CLASP1: variants seen among roughly 807,000 people sequenced by gnomAD.
CLASP1 encodes the protein cytoplasmic linker associated protein 1.
In CLASP1, 38 loss-of-function variants were observed where a neutral mutation model predicts 192.3. The observed-to-expected ratio is 0.20, with a 90% CI of 0.15 to 0.26. The LOEUF is 0.26. CLASP1 is among the 10% of genes least tolerant of loss of function. The probability of loss-of-function intolerance (pLI) is 1.00; values close to 1 mark genes in which losing one functional copy is unlikely to be tolerated. For missense variants in CLASP1, 1,433 were observed against 1,932.5 expected (o/e 0.74, Z 4.85); for synonymous variants, 691 against 712.8 (o/e 0.97, Z 0.49).
intron 2 of CLASP1, among the ~76,000 whole-genome samples, chr2:121,598,659 G>C (rs2063418964): frequency 6.6e-6 from 1 of 152,054 alleles, no homozygotes; most frequent in Non-Finnish European, 1.5e-5. Context: ...GTTACTTCCT[G>C]TATAAAAATT....
At chr2:121,598,330 C>T (rs1362230792) in intron 2 of CLASP1, among the ~76,000 whole-genome samples, 1 of 152,186 alleles carries the variant, frequency 6.6e-6, no homozygotes, top group Non-Finnish European at 1.5e-5. Context: ...TCAAACTGAT[C>T]CCAATATGAG....
At chr2:121,581,257 G>GT (rs1429061024) in intron 2 of CLASP1, among the ~76,000 whole-genome samples, 1 of 91,686 alleles carries the variant, frequency 1.1e-5, no homozygotes, top group African/African-American at 5.8e-5. Flanking sequence ...AAGGCCTTTT[G>GT]TTCTTTTTTT....
At chr2:121,344,426 G>C (rs926895891) in intron 39 of CLASP1, among the ~76,000 whole-genome samples, 3 of 151,978 alleles carry the variant, frequency 2.0e-5, no homozygotes, top group Non-Finnish European at 2.9e-5. Flanking sequence ...CCACCTCCCA[G>C]GTTCAAGCGA....
At chr2:121,405,083 T>G (rs1213314447) in intron 25 of CLASP1, among the ~76,000 whole-genome samples, 1 of 152,080 alleles carries the variant, frequency 6.6e-6, no homozygotes, top group African/African-American at 2.4e-5. Context: ...CCAAGGCAGG[T>G]GGATCACCTT....
chr2:121,343,979 G>A (rs2063111662), intron 39 of CLASP1, among the ~76,000 whole-genome samples: 1 of 152,118 alleles, frequency 6.6e-6, no homozygotes, highest in Non-Finnish European at 1.5e-5. Context: ...GCTGAAGCAG[G>A]ACAATCGTTT....
At chr2:121,453,202 G>A (rs908456743) in intron 14 of CLASP1, among the ~76,000 whole-genome samples, 2 of 152,136 alleles carry the variant, frequency 1.3e-5, no homozygotes, top group Non-Finnish European at 2.9e-5. Context: ...AGCTGAGGTG[G>A]GTGGATTGCT....
chr2:121,554,562 C>T (rs1255798415), intron 2 of CLASP1, among the ~76,000 whole-genome samples: 2 of 151,552 alleles, frequency 1.3e-5, no homozygotes, highest in African/African-American at 4.9e-5. Context: ...CCCAGGAGTT[C>T]GTGGCTGCAG....
At chr2:121,615,813 ATAAAT>A (rs1263739627) in intron 1 of CLASP1, among the ~76,000 whole-genome samples, 1 of 152,002 alleles carries the variant, frequency 6.6e-6, no homozygotes, top group Non-Finnish European at 1.5e-5. Flanking sequence ...CAATTAACAA[ATAAAT>A]TAAAAAAAAC....
intron 2 of CLASP1, 81 bp from the exon 3 acceptor site, chr2:121,530,406 G>T: frequency 9.0e-7 from 1 of 1,109,010 alleles, no homozygotes; most frequent in South Asian, 1.4e-5. Flanking sequence ...GGGAGGCCTA[G>T]ACATTTCCGG....
exon 9 of CLASP1, chr2:121,469,819 G>A (rs1441843311): frequency 1.2e-6 from 2 of 1,611,920 alleles, no homozygotes; most frequent in South Asian, 2.2e-5. Context: ...TGAAGACTTG[G>A]ATCCAAGGGT....
rs139858741 is a variant in CLASP1, at chr2:121,523,944, G to C, written c.546+1901C>G. On this transcript the variant is annotated intron_variant, in intron 6 of 39. Transcript: ENST00000263710. ...GTGAGTGAGGGGACCCTGTGGGATG[G>C]ACTGCAGTGTGGTGCACAGCCATGC... 1.8e-4 allele frequency among the ~76,000 whole-genome samples: 27 copies of C among 152,312 alleles called. No individual in the cohort carries two copies. The East Asian group carries it at 4.4e-3, about 25-fold the overall frequency.
chr2:121,404,184 A>T, intron 26 of CLASP1, 187 bp downstream of exon 27: 1 of 658,340 alleles, frequency 1.5e-6, no homozygotes, highest in Non-Finnish European at 1.9e-6. Context: ...TTGAAATTTT[A>T]TGCACATTTA....
intron 1 of CLASP1, among the ~76,000 whole-genome samples, chr2:121,630,381 A>AACACACACACACACACAC (rs60827939): frequency 7.2e-6 from 1 of 138,968 alleles, no homozygotes; most frequent in Non-Finnish European, 1.6e-5. Context: ...ATTGGAAAGA[A>AACACACACACACACACAC]ACACACACAC....
chr2:121,448,459 A>T, intron 17 of CLASP1, 134 bp from the exon 18 acceptor site: 1 of 772,420 alleles, frequency 1.3e-6, no homozygotes, highest in Non-Finnish European at 2.2e-6. Flanking sequence ...TGTGAACCAC[A>T]ATGTTGTAAA....
At chr2:121,619,092 T>C (rs1193718521) in intron 1 of CLASP1, among the ~76,000 whole-genome samples, 1 of 152,216 alleles carries the variant, frequency 6.6e-6, no homozygotes, top group African/African-American at 2.4e-5. Context: ...CTCACTCCAG[T>C]GTGCACAATG....
intron 24 of CLASP1, chr2:121,408,910 A>G (rs2077293498): frequency 3.7e-6 from 3 of 820,598 alleles, no homozygotes; most frequent in East Asian, 2.7e-5. Flanking sequence ...CAACAAAATC[A>G]TATTTCAGAC....
chr2:121,472,754 T>TA (rs111446812), intron 8 of CLASP1, among the ~76,000 whole-genome samples: 7,812 of 152,214 alleles, frequency 0.051, 671 homozygotes, highest in African/African-American at 0.18. Context: ...GAAAAATTCT[T>TA]AGAGTTTACA....
In CLASP1 at chr2:121,395,796, A is replaced by C. The variant is rs1385515223; in HGVS notation, c.3123+1344T>G. ...TAACCACTAAAGTGGGTTTAGAGGA[A>C]GCACAAACACTCTAGGTCCAAGGAA... On this transcript the variant is annotated intron_variant, in intron 30 of 39. Coordinates refer to ENST00000263710, the Ensembl canonical transcript of CLASP1. 2.0e-5 allele frequency among the ~76,000 whole-genome samples: 3 copies of C among 152,184 alleles called. 1 individual carries two copies. Among genetic ancestry groups the C allele is most frequent in the Non-Finnish European group, 4.4e-5 (3 of 68,038 alleles).
chr2:121,391,503 T>G (rs917772165), intron 30 of CLASP1, among the ~76,000 whole-genome samples: 4 of 152,220 alleles, frequency 2.6e-5, no homozygotes, highest in African/African-American at 9.6e-5. Context: ...ATAATAACAT[T>G]AGCTGTCAGT....
Sources: gnomAD v4.1 joint callset for allele counts (sites outside exome capture counted in the v4.1 genomes callset) on GRCh38, gnomAD v4.1.1 for gene constraint, MANE v1.5 for transcripts, NCBI Gene and HGNC (gene_info 2026-07-23, HGNC 2026-07-21) for gene names.